Variants in CRISP2 observed in about 807,000 individuals in gnomAD.
The protein encoded by CRISP2 is cysteine-rich secretory protein 2.
A neutral mutation model predicts 31.7 loss-of-function variants in CRISP2; 29 were observed. The observed-to-expected ratio is 0.92, with a 90% confidence interval of 0.68 to 1.25. CRISP2 has a LOEUF of 1.25. Ranked by LOEUF, CRISP2 falls within the 50% of genes most tolerant of loss-of-function variation. The probability of loss-of-function intolerance (pLI) is 0.00; values close to 1 mark genes in which losing one functional copy is unlikely to be tolerated. For synonymous variants in CRISP2, 111 were observed against 101.4 expected (o/e 1.09, Z -0.57); for missense variants, 318 against 286.5 (o/e 1.11, Z -0.79).
chr6:49,680,030 T>A, the CRISP2 span, among the ~76,000 whole-genome samples: 1 of 152,152 alleles, frequency 6.6e-6, no homozygotes, highest in Admixed American at 6.6e-5. Flanking sequence ...ATTAAGGGTA[T>A]ATGTGCAGGT....
intron 6 of CRISP2, 93 bp downstream of exon 6, chr6:49,699,711 T>A: frequency 1.1e-6 from 1 of 876,356 alleles, no homozygotes; most frequent in Non-Finnish European, 1.8e-6. Context: ...GTAACATTTA[T>A]TTTCAAAGTC....
downstream of CRISP2, among the ~76,000 whole-genome samples, chr6:49,689,843 C>T (rs1483760356): frequency 6.6e-6 from 1 of 152,024 alleles, no homozygotes; most frequent in Non-Finnish European, 1.5e-5. Flanking sequence ...GTGATAAATT[C>T]ACCCTCTTCC....
rs530279411 is a variant in CRISP2, at chr6:49,700,532, T to C, written c.183+136A>G. On this transcript the variant is annotated intron_variant, in intron 5 of 9. Coordinates refer to ENST00000339139, the MANE Select transcript of CRISP2 (RefSeq NM_003296.4). ...AAAAACAAGAATACAATCCTCTCCA[T>C]ATAATGGTTCAAATAAAATAACAAA... The C allele has an allele frequency of 9.1e-5, 62 of 678,026 alleles. No homozygotes were observed. The East Asian group carries it at 1.7e-3, about 18-fold the overall frequency. The allele number at this position is 678,026 out of a possible 1,614,324, so 42.0% of individuals were successfully genotyped here. A position where few individuals can be genotyped will look rare whatever the true frequency, so the allele number is the denominator to read the frequency against.
At chr6:49,682,975 A>G in the CRISP2 span, among the ~76,000 whole-genome samples, 19 of 151,838 alleles carry the variant, frequency 1.3e-4, no homozygotes, top group Non-Finnish European at 2.2e-4. Flanking sequence ...CCTGGCCAAC[A>G]TGGCGAAACC....
At chr6:49,690,633 T>C (rs1764019730), downstream of CRISP2, among the ~76,000 whole-genome samples, 1 of 152,052 alleles carries the variant, frequency 6.6e-6, no homozygotes, top group Non-Finnish European at 1.5e-5. Flanking sequence ...TTGGAAAAGA[T>C]TCAGCAAAAT....
intron 4 of CRISP2, among the ~76,000 whole-genome samples, chr6:49,706,831 C>T (rs1311352261): frequency 6.6e-6 from 1 of 152,104 alleles, no homozygotes. Context: ...TTTCTCTTTC[C>T]TGCTTTTATG....
the CRISP2 span, among the ~76,000 whole-genome samples, chr6:49,678,228 G>A: frequency 9.9e-5 from 15 of 152,242 alleles, no homozygotes; most frequent in South Asian, 4.1e-4. Context: ...GGTGCTAAGC[G>A]CTTTAGCGGG....
intron 6 of CRISP2, among the ~76,000 whole-genome samples, chr6:49,699,307 C>G (rs191991148): frequency 3.3e-5 from 5 of 151,916 alleles, no homozygotes; most frequent in African/African-American, 1.2e-4. Flanking sequence ...TCCACTTTAT[C>G]CACTTTTATC....
chr6:49,699,449 T>C (rs1765296807), intron 6 of CRISP2, among the ~76,000 whole-genome samples: 1 of 151,272 alleles, frequency 6.6e-6, no homozygotes, highest in African/African-American at 2.5e-5. Flanking sequence ...ATCAGAAAGC[T>C]TGGTTAAAAA....
chr6:49,681,932 T>G, the CRISP2 span, among the ~76,000 whole-genome samples: 1 of 152,170 alleles, frequency 6.6e-6, no homozygotes, highest in Admixed American at 6.6e-5. Context: ...ATGATCACCT[T>G]GAAATGTTTT....
downstream of CRISP2, among the ~76,000 whole-genome samples, chr6:49,690,876 G>A (rs1764028140): frequency 6.6e-6 from 1 of 151,446 alleles, no homozygotes. Flanking sequence ...TAAAACAACT[G>A]TTCAGTTTAG....
intron 4 of CRISP2, among the ~76,000 whole-genome samples, chr6:49,704,041 G>C (rs1766567885): frequency 6.6e-6 from 1 of 151,968 alleles, no homozygotes; most frequent in South Asian, 2.1e-4. Context: ...TGGAGGCTTT[G>C]TTCATTTTCT....
At chr6:49,703,589 G>A (rs952566155) in intron 4 of CRISP2, among the ~76,000 whole-genome samples, 1 of 152,064 alleles carries the variant, frequency 6.6e-6, no homozygotes, top group African/African-American at 2.4e-5. Context: ...TGTTGTAAAA[G>A]GTACTGAGTT....
intron 6 of CRISP2, 30 bp downstream of exon 6, chr6:49,699,774 T>G: frequency 7.0e-7 from 1 of 1,423,948 alleles, no homozygotes; most frequent in Non-Finnish European, 9.9e-7. Flanking sequence ...TTCATTTATT[T>G]ATTCAACAAA....
chr6:49,701,525 T>C (rs62413607), intron 4 of CRISP2, among the ~76,000 whole-genome samples: 19,242 of 80,720 alleles, frequency 0.24, 3,259 homozygotes, highest in Middle Eastern at 0.33. Flanking sequence ...TATATATATA[T>C]ACACACACAC....
At chr6:49,681,349 C>G in the CRISP2 span, among the ~76,000 whole-genome samples, 1 of 152,046 alleles carries the variant, frequency 6.6e-6, no homozygotes, top group African/African-American at 2.4e-5. Context: ...TTCCACTGGT[C>G]TGTTTATCTG....
chr6:49,702,306 T>C (rs1397573044), intron 4 of CRISP2, among the ~76,000 whole-genome samples: 2 of 150,554 alleles, frequency 1.3e-5, no homozygotes, highest in Non-Finnish European at 3.0e-5. Context: ...AATGACTTCT[T>C]TTCCTCTGAG....
the CRISP2 span, among the ~76,000 whole-genome samples, chr6:49,685,649 TAA>T: frequency 6.6e-6 from 1 of 152,204 alleles, no homozygotes. Flanking sequence ...GTGTCTATGG[TAA>T]AAATAAACAC....
the CRISP2 span, among the ~76,000 whole-genome samples, chr6:49,681,995 A>G: frequency 3.8e-4 from 58 of 152,230 alleles, no homozygotes; most frequent in African/African-American, 1.3e-3. Context: ...CACAGGTTAG[A>G]TCATTCTTTT....
Sources: gnomAD v4.1 joint callset for allele counts (sites outside exome capture counted in the v4.1 genomes callset) on GRCh38, gnomAD v4.1.1 for gene constraint, MANE v1.5 for transcripts, NCBI Gene and HGNC (gene_info 2026-07-23, HGNC 2026-07-21) for gene names.